Variants in XPR1 observed in about 807,000 individuals in gnomAD.
XPR1 encodes solute carrier family 53 member 1.
In XPR1, 28 loss-of-function variants were observed where a neutral mutation model predicts 87.5. The ratio of observed to expected loss-of-function variants is 0.32; its 90% confidence interval spans 0.24 to 0.44. XPR1 has a LOEUF of 0.44. Among genes scored for constraint, XPR1 ranks in the 20% least tolerant of loss-of-function variants. XPR1 has a pLI of 1.00. For missense variants in XPR1, 559 were observed against 862.3 expected (o/e 0.65, Z 4.41); for synonymous variants, 300 against 306.1 (o/e 0.98, Z 0.21).
chr1:180,686,805 G>T (rs943211736), intron 2 of XPR1, among the ~76,000 whole-genome samples: 9 of 152,082 alleles, frequency 5.9e-5, no homozygotes, highest in African/African-American at 2.2e-4. Context: ...TAAAACTGTA[G>T]ATTTATAGTA....
At chr1:180,702,117 A>G (rs2101970826) in intron 2 of XPR1, among the ~76,000 whole-genome samples, 1 of 72,514 alleles carries the variant, frequency 1.4e-5, no homozygotes, top group African/African-American at 6.8e-5. Context: ...AATGCGTCCC[A>G]GAGATTCTGG....
intron 2 of XPR1, among the ~76,000 whole-genome samples, chr1:180,770,504 A>G (rs141977171): frequency 1.3e-5 from 2 of 152,286 alleles, no homozygotes; most frequent in African/African-American, 4.8e-5. Context: ...AAATCTCATC[A>G]TATTGGGGAT....
intron 11 of XPR1, among the ~76,000 whole-genome samples, chr1:180,837,553 C>T (rs549934265): frequency 2.0e-4 from 31 of 151,884 alleles, no homozygotes; most frequent in African/African-American, 7.5e-4. Flanking sequence ...GTGTGTCTAA[C>T]GGTCATAAAA....
intron 1 of XPR1, among the ~76,000 whole-genome samples, chr1:180,661,476 CGTGTGTGTGTGTGTGT>C (rs60527318): frequency 1.8e-4 from 26 of 142,468 alleles, no homozygotes; most frequent in South Asian, 9.3e-4. Flanking sequence ...TTTAATTTTT[CGTGTGTGTGTGTGTGT>C]GTGTGTGTGT....
At chr1:180,673,308 T>G (rs1656248615) in intron 1 of XPR1, among the ~76,000 whole-genome samples, 1 of 152,176 alleles carries the variant, frequency 6.6e-6, no homozygotes, top group African/African-American at 2.4e-5. Flanking sequence ...TGTACAAAAT[T>G]TAAGTAATTT....
At chr1:180,692,521 T>G (rs530563068) in intron 2 of XPR1, among the ~76,000 whole-genome samples, 30 of 152,326 alleles carry the variant, frequency 2.0e-4, no homozygotes, top group South Asian at 1.2e-3. Context: ...GTGTGCCTTA[T>G]TATTTGTTTC....
chr1:180,694,177 C>T (rs943971322), intron 2 of XPR1, among the ~76,000 whole-genome samples: 4 of 152,158 alleles, frequency 2.6e-5, no homozygotes, highest in African/African-American at 9.7e-5. Flanking sequence ...CTAGGCTGAT[C>T]TTGAACTCCT....
chr1:180,879,660 T>C (rs1652783376), intron 13 of XPR1, among the ~76,000 whole-genome samples: 1 of 152,234 alleles, frequency 6.6e-6, no homozygotes, highest in South Asian at 2.1e-4. Flanking sequence ...CTCTATTCCC[T>C]TGTCCTGCTT....
At chr1:180,734,472 A>G (rs1037306568) in intron 2 of XPR1, among the ~76,000 whole-genome samples, 11 of 152,196 alleles carry the variant, frequency 7.2e-5, no homozygotes, top group Admixed American at 5.2e-4. Context: ...GGGGTCTGGC[A>G]TCTTATTGTT....
At chr1:180,802,339 CAT>C (rs970040157) in intron 3 of XPR1, among the ~76,000 whole-genome samples, 1 of 152,086 alleles carries the variant, frequency 6.6e-6, no homozygotes, top group African/African-American at 2.4e-5. Flanking sequence ...AGCACAAACA[CAT>C]ATATTCAGAT....
intron 2 of XPR1, among the ~76,000 whole-genome samples, chr1:180,703,012 G>A (rs970967626): frequency 1.3e-5 from 2 of 152,232 alleles, no homozygotes; most frequent in South Asian, 2.1e-4. Flanking sequence ...TCTGGGTAGG[G>A]CAGTAGTGTA....
In XPR1 at chr1:180,682,429, T is replaced by C; in HGVS notation, c.121+18T>C. 2 of 1,589,318 alleles carry C rather than the reference T, an allele frequency of 1.3e-6. No individual in the cohort carries two copies. Among genetic ancestry groups the C allele is most frequent in the Non-Finnish European group, 1.7e-6 (2 of 1,167,266 alleles). ...TGTGGAAGGTAAGATGAATTAACCC[T>C]TAAGTTTAGTCACAGAAAACCTCTT... On this transcript the variant is annotated intron_variant, in intron 2 of 14. Transcript: ENST00000367590.
At chr1:180,728,267 C>T (rs1658425680) in intron 2 of XPR1, among the ~76,000 whole-genome samples, 1 of 124,486 alleles carries the variant, frequency 8.0e-6, no homozygotes, top group African/African-American at 3.2e-5. Flanking sequence ...TGGTATATGG[C>T]GGTAGTGAGA....
rs185094894 is a variant in XPR1, at chr1:180,849,544, C to A, written c.1501+12828C>A. 1.1e-4 allele frequency among the ~76,000 whole-genome samples: 16 copies of A among 152,252 alleles called. No individual in the cohort carries two copies. The East Asian group carries it at 2.7e-3, about 26-fold the overall frequency. On this transcript the variant is annotated intron_variant, in intron 11 of 14. Coordinates refer to ENST00000367590, the MANE Select transcript of XPR1 (RefSeq NM_004736.4). ...TCTGCTAAAGGTGATTCACTGAGGA[C>A]ACATTAAGTGCATGCAAACAACAGA... is the stretch of plus-strand genomic sequence containing the variant.
chr1:180,828,787 C>T (rs923685378), intron 9 of XPR1, among the ~76,000 whole-genome samples: 2 of 152,218 alleles, frequency 1.3e-5, no homozygotes, highest in Non-Finnish European at 2.9e-5. Flanking sequence ...GTTATGAACC[C>T]AGGCAGTCGT....
At chr1:180,714,379 C>G (rs1024185928) in intron 2 of XPR1, among the ~76,000 whole-genome samples, 4 of 144,296 alleles carry the variant, frequency 2.8e-5, no homozygotes, top group African/African-American at 8.4e-5. Flanking sequence ...CTCTCTCTCT[C>G]TCTCTCTCTC....
chr1:180,823,410 G>A (rs1416216163), intron 7 of XPR1, among the ~76,000 whole-genome samples: 5 of 152,110 alleles, frequency 3.3e-5, no homozygotes. Flanking sequence ...TAAGGATCCA[G>A]GATCTGTCTC....
intron 2 of XPR1, among the ~76,000 whole-genome samples, chr1:180,708,812 A>C (rs539618652): frequency 4.0e-5 from 6 of 151,444 alleles, no homozygotes; most frequent in Admixed American, 1.3e-4. Context: ...TTTTCCCCAA[A>C]ATGAAATGTC....
intron 11 of XPR1, among the ~76,000 whole-genome samples, chr1:180,855,542 G>A (rs1405701060): frequency 1.3e-5 from 2 of 151,826 alleles, no homozygotes; most frequent in Non-Finnish European, 2.9e-5. Flanking sequence ...GTGTGTGCCT[G>A]TAGTCCCAGC....
Sources: allele counts gnomAD v4.1 joint callset (sites outside exome capture counted in the v4.1 genomes callset), GRCh38; gene constraint gnomAD v4.1.1; transcripts MANE v1.5; gene names NCBI Gene and HGNC (gene_info 2026-07-23, HGNC 2026-07-21).